The following LRRC2 variants were observed in gnomAD, a reference collection of about 807,000 sequenced individuals.
LRRC2 encodes leucine-rich repeat-containing protein 2.
A neutral mutation model predicts 40.2 loss-of-function variants in LRRC2; 27 were observed. That is an observed-to-expected ratio of 0.67 (90% CI 0.49 to 0.93). The LOEUF (loss-of-function observed/expected upper bound fraction) is 0.93, where lower values mean the gene tolerates loss of function less well. Among genes scored for constraint, LRRC2 ranks in the 40% least tolerant of loss-of-function variants. The probability of loss-of-function intolerance (pLI) is 0.00; values close to 1 mark genes in which losing one functional copy is unlikely to be tolerated. For missense variants in LRRC2, 402 were observed against 439.6 expected (o/e 0.91, Z 0.76); for synonymous variants, 147 against 158.9 (o/e 0.92, Z 0.56).
chr3:46,551,690 G>A lies in LRRC2; in HGVS notation c.-19-80C>T, dbSNP rs1009551856. On this transcript the variant is annotated intron_variant, in intron 1 of 8. Coordinates refer to ENST00000395905, the MANE Select transcript of LRRC2 (RefSeq NM_024512.5). Reference sequence around the variant, plus strand: ...TAACATAAACTTTAAAATGAAATATGAATGAATCACTTGGCTTAAGGAATG... The same window carrying A: ...TAACATAAACTTTAAAATGAAATATAAATGAATCACTTGGCTTAAGGAATG... The A allele has an allele frequency of 1.1e-4, 106 of 982,770 alleles. 1 individual carries two copies. Among genetic ancestry groups the A allele is most frequent in the Middle Eastern group, 6.0e-4 (2 of 3,344 alleles). 60.9% of individuals were successfully genotyped at this position (982,770 alleles called of 1,614,324 possible).
At chr3:46,523,615 T>C (rs572299845) in intron 7 of LRRC2, among the ~76,000 whole-genome samples, 1 of 152,324 alleles carries the variant, frequency 6.6e-6, no homozygotes, top group African/African-American at 2.4e-5. Context: ...TTTAACATTT[T>C]GCTATACTTG....
intron 6 of LRRC2, among the ~76,000 whole-genome samples, chr3:46,528,309 A>G (rs62247800): frequency 1.4e-5 from 2 of 146,604 alleles, no homozygotes; most frequent in Non-Finnish European, 3.0e-5. Context: ...TTTTTTTTTA[A>G]TGAGAAAGAC....
rs911905343 is a variant in LRRC2 at position 46,518,948 on chromosome 3, A to C, written c.*66T>G. 1 of 1,074,374 alleles carries C rather than the reference A, an allele frequency of 9.3e-7. No individual in the cohort carries two copies. The highest frequency in any genetic ancestry group is 1.6e-5 in the African/African-American group (1 of 64,356). The allele number at this position is 1,074,374 out of a possible 1,614,324, so 66.6% of individuals were successfully genotyped here. A position where few individuals can be genotyped will look rare whatever the true frequency, so the allele number is the denominator to read the frequency against. ...GCACAAGCCATTCTTCCTATATGAC[A>C]TGATCATAACAAAGATTTATATATA... is the stretch of plus-strand genomic sequence containing the variant. On this transcript the variant is annotated 3_prime_UTR_variant, in exon 9 of 9. Coordinates refer to ENST00000395905, the MANE Select transcript of LRRC2 (RefSeq NM_024512.5).
At position 46,524,344 on chromosome 3, in the gene LRRC2, G is replaced by T. The variant is rs536640447; in HGVS notation, c.930-2686C>A. On this transcript the variant is annotated intron_variant, in intron 7 of 8. Coordinates refer to ENST00000395905, the MANE Select transcript of LRRC2 (RefSeq NM_024512.5). ...ACCTTAGAGAAAATCTCAGGCTTTT[G>T]GTCTGGAGCCTGGACTGCTGGTACA... 3.9e-5 allele frequency among the ~76,000 whole-genome samples: 6 copies of T among 152,328 alleles called. No homozygotes were observed. The East Asian group carries it at 1.2e-3, about 29-fold the overall frequency.
chr3:46,546,715 CTTT>C (rs71098416), intron 2 of LRRC2, among the ~76,000 whole-genome samples: 6 of 106,600 alleles, frequency 5.6e-5, no homozygotes, highest in African/African-American at 1.1e-4. Context: ...CAATTTGCTC[CTTT>C]TTTTTTTTTT....
Position 46,517,044 on chromosome 3 carries a change from G to T in LRRC2, c.*1970C>A, listed in dbSNP as rs546491141. 6.6e-6 allele frequency: 1 copy of T among 152,150 alleles called. No homozygotes were observed. The highest frequency in any genetic ancestry group is 1.5e-5 in the Non-Finnish European group (1 of 68,042). 9.4% of individuals were successfully genotyped at this position (152,150 alleles called of 1,614,324 possible). A position where few individuals can be genotyped will look rare whatever the true frequency, so the allele number is the denominator to read the frequency against. The stretch of plus-strand genomic sequence containing the variant: ...AAACCCAAGGCTGGAGTTAAATGTG[G>T]CTATTTAAATTTAATTGAATTGAAA... On this transcript the variant is annotated 3_prime_UTR_variant, in exon 9 of 9. Coordinates refer to ENST00000395905, the MANE Select transcript of LRRC2 (RefSeq NM_024512.5).
chr3:46,551,750 G>A, intron 1 of LRRC2, 140 bp from the exon 2 acceptor site: 1 of 153,044 alleles, frequency 6.5e-6, no homozygotes, highest in Non-Finnish European at 1.0e-5. Context: ...ATGACAGTTT[G>A]CTTTTTTTTT....
At position 46,550,093 on chromosome 3, in the gene LRRC2, T is replaced by C. The variant is rs113055961; in HGVS notation, c.125+1374A>G. On this transcript the variant is annotated intron_variant, in intron 2 of 8. Coordinates refer to ENST00000395905, the MANE Select transcript of LRRC2 (RefSeq NM_024512.5). Reference sequence around the variant, plus strand: ...TATGTCATATTGGACAATCTCAGATTAGTGGCAAGAGAAAAGACGTTCTAA... The same window carrying C: ...TATGTCATATTGGACAATCTCAGATCAGTGGCAAGAGAAAAGACGTTCTAA... Among the ~76,000 whole-genome samples the C allele has an allele frequency of 2.8e-3, 421 of 152,306 alleles. 1 individual carries two copies. Among genetic ancestry groups the C allele is most frequent in the African/African-American group, 9.7e-3 (404 of 41,568 alleles).
rs766695723 is a variant in LRRC2, at chr3:46,545,100, G to A, written c.279C>T (p.Asp93=). The A allele has an allele frequency of 6.2e-7, 1 of 1,614,016 alleles. No individual in the cohort carries two copies. Among genetic ancestry groups the A allele is most frequent in the Non-Finnish European group, 8.5e-7 (1 of 1,180,014 alleles). ...TLTRQSSLPK[D]RGKRSSAFVF... ...CAAACGCACTGCTCCGTTTGCCTCT[G>A]TCCTTGGGAAGTGAACTCTGCCTTG... Residue 93 remains aspartate (D), a synonymous_variant, in exon 3 of 9, where the codon GAC becomes GAT. Transcript: ENST00000395905.
At chr3:46,529,823 A>T in intron 6 of LRRC2, 82 bp downstream of exon 6, 1 of 1,404,252 alleles carries the variant, frequency 7.1e-7, no homozygotes, top group East Asian at 2.3e-5. Flanking sequence ...ACATTCATGT[A>T]CTATACATGT....
intron 7 of LRRC2, among the ~76,000 whole-genome samples, chr3:46,526,385 T>C (rs1158006808): frequency 6.6e-6 from 1 of 152,206 alleles, no homozygotes. Flanking sequence ...CCAAGCCTGC[T>C]TCCAGGGGCT....
chr3:46,545,725 G>T lies in LRRC2; in HGVS notation c.126-472C>A, dbSNP rs892754167. On this transcript the variant is annotated intron_variant, in intron 2 of 8. Transcript: ENST00000395905. Reference sequence around the variant, plus strand: ...GACACTGGAGCTGGCTGAGGACTCAGCATCCCCACCAAACCTCACCACCCC... The same window carrying T: ...GACACTGGAGCTGGCTGAGGACTCATCATCCCCACCAAACCTCACCACCCC... Among the ~76,000 whole-genome samples, 7 of 152,140 alleles carry T rather than the reference G, an allele frequency of 4.6e-5. No individual in the cohort carries two copies. In the South Asian group the frequency reaches 1.5e-3, roughly 32 times the overall value.
intron 2 of LRRC2, among the ~76,000 whole-genome samples, chr3:46,547,221 C>T (rs879423219): frequency 6.6e-6 from 1 of 152,174 alleles, no homozygotes; most frequent in Non-Finnish European, 1.5e-5. Context: ...CTGAGGGAAG[C>T]TGGAACATTT....
chr3:46,565,845 C>T (rs1380424143), intron 1 of LRRC2, among the ~76,000 whole-genome samples: 1 of 152,230 alleles, frequency 6.6e-6, no homozygotes, highest in Non-Finnish European at 1.5e-5. Context: ...AAGCTTTGGG[C>T]TCAGCCTTGG....
Position 46,518,900 on chromosome 3 carries a change from T to G in LRRC2, c.*114A>C, listed in dbSNP as rs1575341726. On this transcript the variant is annotated 3_prime_UTR_variant, in exon 9 of 9. Coordinates refer to ENST00000395905, the MANE Select transcript of LRRC2 (RefSeq NM_024512.5). ...CCATTTTTTTTAGCAACTATGATAGTGGTTTCTAGACTTTGTCCTTAAGCA... is the reference window on the plus strand; with the variant it reads ...CCATTTTTTTTAGCAACTATGATAGGGGTTTCTAGACTTTGTCCTTAAGCA... 1.3e-6 allele frequency: 1 copy of G among 754,696 alleles called. No individual in the cohort carries two copies. Among genetic ancestry groups the G allele is most frequent in the Non-Finnish European group, 2.3e-6 (1 of 434,032 alleles). 46.7% of individuals were successfully genotyped at this position (754,696 alleles called of 1,614,324 possible).
chr3:46,520,128 CTA>C (rs1703939626), intron 8 of LRRC2, among the ~76,000 whole-genome samples: 1 of 147,966 alleles, frequency 6.8e-6, no homozygotes, highest in Non-Finnish European at 1.5e-5. Flanking sequence ...TAAATAATAA[CTA>C]ATAATATATT....
intron 1 of LRRC2, among the ~76,000 whole-genome samples, chr3:46,563,393 G>A (rs1032306763): frequency 1.3e-5 from 2 of 151,930 alleles, no homozygotes; most frequent in African/African-American, 4.8e-5. Context: ...GTCTGCCCTC[G>A]GCCTGCCCAT....
intron 1 of LRRC2, chr3:46,557,363 T>G (rs1482761714): frequency 6.6e-6 from 1 of 152,184 alleles, no homozygotes; most frequent in African/African-American, 2.4e-5. Flanking sequence ...CCTACCCAAA[T>G]CTTATAAAAC....
chr3:46,533,775 TTTTCTTTC>T (rs530379114), intron 4 of LRRC2, among the ~76,000 whole-genome samples: 7 of 92,928 alleles, frequency 7.5e-5, no homozygotes, highest in Non-Finnish European at 1.3e-4. Flanking sequence ...CCTCCCTCTC[TTTTCTTTC>T]TTTCTTTCTT....
Sources: allele counts gnomAD v4.1 joint callset (sites outside exome capture counted in the v4.1 genomes callset), GRCh38; gene constraint gnomAD v4.1.1; transcripts MANE v1.5; gene names NCBI Gene and HGNC (gene_info 2026-07-23, HGNC 2026-07-21).